ANGPT1: variants seen among roughly 807,000 people sequenced by gnomAD.
The protein encoded by ANGPT1 is angiopoietin 1, also known as angiopoietin-1.
In ANGPT1, 17 loss-of-function variants were observed where a neutral mutation model predicts 62.2. The ratio of observed to expected loss-of-function variants is 0.27; its 90% confidence interval spans 0.19 to 0.41. The LOEUF (loss-of-function observed/expected upper bound fraction) is 0.41, where lower values mean the gene tolerates loss of function less well. ANGPT1 is among the 10% of genes least tolerant of loss of function. The pLI is 1.00. For missense variants in ANGPT1, 478 were observed against 594.9 expected, an observed-to-expected ratio of 0.80 and a Z score of 2.04; for synonymous variants, 199 against 198.9, an observed-to-expected ratio of 1.00 and a Z score of 0.00.
At chr8:107,360,774 T>A (rs528970815) in intron 1 of ANGPT1, among the ~76,000 whole-genome samples, 1 of 152,150 alleles carries the variant, frequency 6.6e-6, no homozygotes, top group Admixed American at 6.5e-5. Context: ...AAAGTCTTCA[T>A]ATACTTGTTG....
At chr8:107,447,880 G>T (rs768089520) in intron 1 of ANGPT1, among the ~76,000 whole-genome samples, 2 of 152,198 alleles carry the variant, frequency 1.3e-5, no homozygotes, top group Admixed American at 1.3e-4. Context: ...GTAAGTTTAC[G>T]CAAAGGATTT....
intron 1 of ANGPT1, among the ~76,000 whole-genome samples, chr8:107,429,156 T>G (rs1384945681): frequency 6.6e-6 from 1 of 152,128 alleles, no homozygotes; most frequent in African/African-American, 2.4e-5. Context: ...TTGCTCAAAT[T>G]AATAGGTGCT....
chr8:107,339,066 A>G (rs1815640057), intron 2 of ANGPT1, among the ~76,000 whole-genome samples: 2 of 152,224 alleles, frequency 1.3e-5, no homozygotes, highest in Non-Finnish European at 2.9e-5. Context: ...GACAGTAAGT[A>G]TTCTCCTCCA....
At chr8:107,480,859 T>C (rs1049768021) in intron 1 of ANGPT1, among the ~76,000 whole-genome samples, 8 of 152,140 alleles carry the variant, frequency 5.3e-5, no homozygotes, top group African/African-American at 1.9e-4. Context: ...AATATGATCC[T>C]GAAGATAAAG....
At chr8:107,333,243 G>A (rs148189717) in intron 3 of ANGPT1, among the ~76,000 whole-genome samples, 1 of 151,884 alleles carries the variant, frequency 6.6e-6, no homozygotes, top group African/African-American at 2.4e-5. Context: ...ACACACATTA[G>A]GCCCTTAGAC....
At chr8:107,315,584 C>T (rs1814994625) in intron 4 of ANGPT1, among the ~76,000 whole-genome samples, 1 of 151,812 alleles carries the variant, frequency 6.6e-6, no homozygotes, top group African/African-American at 2.4e-5. Context: ...TTTTTTAAAC[C>T]TTCCCAAAAC....
At chr8:107,356,564 G>A (rs1434973483) in intron 1 of ANGPT1, among the ~76,000 whole-genome samples, 3 of 152,094 alleles carry the variant, frequency 2.0e-5, no homozygotes, top group Non-Finnish European at 2.9e-5. Flanking sequence ...AAAAAAAATA[G>A]CCTTATGGCA....
At chr8:107,334,911 T>C (rs1416362059) in intron 3 of ANGPT1, among the ~76,000 whole-genome samples, 1 of 152,202 alleles carries the variant, frequency 6.6e-6, no homozygotes, top group Non-Finnish European at 1.5e-5. Flanking sequence ...TAACCCCATG[T>C]CACAGTACAA....
intron 1 of ANGPT1, among the ~76,000 whole-genome samples, chr8:107,454,059 T>C (rs1311367831): frequency 6.6e-6 from 1 of 152,098 alleles, no homozygotes; most frequent in African/African-American, 2.4e-5. Flanking sequence ...GATGAACTGA[T>C]GCTACTGATA....
In ANGPT1 at chr8:107,497,582, G is replaced by A. The variant is rs1464590165; in HGVS notation, c.-24C>T. On this transcript the variant is annotated 5_prime_UTR_variant, in exon 1 of 9. In the 5' UTR this introduces an upstream ATG that the reference lacks. Coordinates refer to ENST00000517746, the MANE Select transcript of ANGPT1 (RefSeq NM_001146.5). Reference sequence around the variant, plus strand: ...ATTGTACTGCCAGCACACTCCTTCCGTGCCTCTCGCAAAACTTGCTCCTTT... The same window carrying A: ...ATTGTACTGCCAGCACACTCCTTCCATGCCTCTCGCAAAACTTGCTCCTTT... The A allele has an allele frequency of 7.5e-6, 12 of 1,600,128 alleles. No individual in the cohort carries two copies. The highest frequency in any genetic ancestry group is 1.1e-5 in the South Asian group (1 of 89,536).
intron 5 of ANGPT1, 123 bp from the exon 6 acceptor site, chr8:107,294,160 A>G (rs1324745032): frequency 5.0e-6 from 3 of 600,298 alleles, no homozygotes; most frequent in African/African-American, 3.8e-5. Context: ...AAATTACTAT[A>G]TTGAACAATG....
chr8:107,289,916 T>C (rs939143954), intron 6 of ANGPT1, among the ~76,000 whole-genome samples: 3 of 152,160 alleles, frequency 2.0e-5, no homozygotes, highest in Non-Finnish European at 4.4e-5. Flanking sequence ...GTGTTACTGC[T>C]GGAGGCCACT....
chr8:107,269,490 T>A (rs757638267), intron 7 of ANGPT1, among the ~76,000 whole-genome samples: 1 of 151,984 alleles, frequency 6.6e-6, no homozygotes, highest in South Asian at 2.1e-4. Context: ...AAAATCAATA[T>A]ACAGGATGGC....
At chr8:107,280,450 G>T (rs1231743696) in intron 7 of ANGPT1, among the ~76,000 whole-genome samples, 7 of 152,132 alleles carry the variant, frequency 4.6e-5, no homozygotes, top group Non-Finnish European at 8.8e-5. Flanking sequence ...GTGGAAGAAA[G>T]AAGCGCTTTA....
intron 7 of ANGPT1, among the ~76,000 whole-genome samples, chr8:107,282,643 G>A (rs1814044120): frequency 7.5e-6 from 1 of 133,484 alleles, no homozygotes; most frequent in Admixed American, 7.9e-5. Context: ...AAATTAAATT[G>A]TTACATTTCT....
intron 1 of ANGPT1, among the ~76,000 whole-genome samples, chr8:107,386,715 A>G (rs1482944987): frequency 6.6e-6 from 1 of 152,144 alleles, no homozygotes; most frequent in African/African-American, 2.4e-5. Flanking sequence ...GAAGAGGATC[A>G]ATACATATAG....
Position 107,399,909 on chromosome 8 carries a change from C to G in ANGPT1, c.298-52812G>C, listed in dbSNP as rs573058108. On this transcript the variant is annotated intron_variant, in intron 1 of 8. Coordinates refer to ENST00000517746, the MANE Select transcript of ANGPT1 (RefSeq NM_001146.5). ...GGGTAGTTGAGATGTTGCGACACAACTGGCCCGCATTACAGGAGAGTTCAG... is the reference window on the plus strand; with the variant it reads ...GGGTAGTTGAGATGTTGCGACACAAGTGGCCCGCATTACAGGAGAGTTCAG... Among the ~76,000 whole-genome samples the G allele has an allele frequency of 6.6e-5, 10 of 152,294 alleles. No individual in the cohort carries two copies. The East Asian group carries it at 1.7e-3, about 27-fold the overall frequency.
chr8:107,264,815 T>C (rs1339302414), intron 7 of ANGPT1, among the ~76,000 whole-genome samples: 1 of 152,194 alleles, frequency 6.6e-6, no homozygotes, highest in Non-Finnish European at 1.5e-5. Context: ...TTTGATTAAA[T>C]TTTTATATTA....
chr8:107,371,589 T>G (rs921806002), intron 1 of ANGPT1, among the ~76,000 whole-genome samples: 7 of 148,222 alleles, frequency 4.7e-5, no homozygotes, highest in African/African-American at 1.8e-4. Context: ...TTTTTTTTTT[T>G]TTTTTTGGAC....
Sources: allele counts gnomAD v4.1 joint callset (sites outside exome capture counted in the v4.1 genomes callset), GRCh38; gene constraint gnomAD v4.1.1; transcripts MANE v1.5; gene names NCBI Gene and HGNC (gene_info 2026-07-23, HGNC 2026-07-21).